The following PLPP4 variants were observed in gnomAD, a reference collection of about 807,000 sequenced individuals.
PLPP4 encodes diacylglycerol pyrophosphate like 2.
In PLPP4, 20 loss-of-function variants were observed where a neutral mutation model predicts 32.2. The ratio of observed to expected loss-of-function variants is 0.62; its 90% CI spans 0.44 to 0.90. PLPP4 has a LOEUF of 0.90. Among genes scored for constraint, PLPP4 ranks in the 40% least tolerant of loss-of-function variants. PLPP4 has a pLI of 0.00. For missense variants in PLPP4, 257 were observed against 353.1 expected (o/e 0.73, Z 2.18); for synonymous variants, 127 against 133.0 (o/e 0.95, Z 0.31).
At chr10:120,475,849 G>T (rs939587225) in intron 1 of PLPP4, among the ~76,000 whole-genome samples, 6 of 152,204 alleles carry the variant, frequency 3.9e-5, no homozygotes, top group African/African-American at 1.2e-4. Flanking sequence ...AATATCTGCA[G>T]ATGGTAACAC....
At position 120,589,683 on chromosome 10, in the gene PLPP4, T is replaced by C; in HGVS notation, c.*181T>C. On this transcript the variant is annotated 3_prime_UTR_variant, in exon 7 of 7. Coordinates refer to ENST00000398250, the MANE Select transcript of PLPP4 (RefSeq NM_001030059.3). The stretch of plus-strand genomic sequence containing the variant: ...CTTTAAATGTCTACTTCCAACATCC[T>C]TGAATTTGCAAGTGAAGGACAACAA... 1 of 587,162 alleles carries C rather than the reference T, an allele frequency of 1.7e-6. No individual in the cohort carries two copies. The highest frequency in any genetic ancestry group is 3.0e-6 in the Non-Finnish European group (1 of 337,816). 36.4% of individuals were successfully genotyped at this position (587,162 alleles called of 1,614,324 possible).
At chr10:120,465,781 T>A (rs1848279948) in intron 1 of PLPP4, among the ~76,000 whole-genome samples, 1 of 152,202 alleles carries the variant, frequency 6.6e-6, no homozygotes, top group Admixed American at 6.5e-5. Context: ...TCCACCACCC[T>A]GACTTCTAAC....
intron 1 of PLPP4, among the ~76,000 whole-genome samples, chr10:120,484,740 T>TC (rs965878024): frequency 6.6e-6 from 1 of 152,120 alleles, no homozygotes; most frequent in African/African-American, 2.4e-5. Context: ...AGAATAATGT[T>TC]CCCCCAGGGA....
chr10:120,584,331 A>G lies in PLPP4; in HGVS notation c.617-4972A>G, dbSNP rs539346477. Among the ~76,000 whole-genome samples, 4 of 152,288 alleles carry G rather than the reference A, an allele frequency of 2.6e-5. No individual in the cohort carries two copies. In the South Asian group the frequency reaches 8.3e-4, roughly 32 times the overall value. ...ACACGTTTCCTTCATGGTGCTTACCATAGCTGCAAATTGCTGATACGGCTG... is the reference window on the plus strand; with the variant it reads ...ACACGTTTCCTTCATGGTGCTTACCGTAGCTGCAAATTGCTGATACGGCTG... On this transcript the variant is annotated intron_variant, in intron 6 of 6. Transcript: ENST00000398250.
chr10:120,558,521 T>G (rs532301344), intron 5 of PLPP4, among the ~76,000 whole-genome samples: 171 of 151,832 alleles, frequency 1.1e-3, no homozygotes, highest in Non-Finnish European at 6.3e-4. Context: ...GTTCAAGCTA[T>G]TCTCCTGCCT....
At chr10:120,556,961 C>T (rs1048139291) in intron 5 of PLPP4, among the ~76,000 whole-genome samples, 9 of 152,084 alleles carry the variant, frequency 5.9e-5, no homozygotes, top group African/African-American at 2.2e-4. Context: ...AAGAGATCTC[C>T]AACTGATGAT....
intron 2 of PLPP4, among the ~76,000 whole-genome samples, chr10:120,505,138 T>G (rs1180385651): frequency 6.6e-6 from 1 of 152,214 alleles, no homozygotes; most frequent in Admixed American, 6.5e-5. Context: ...TGTCCACATT[T>G]CACAGATGCA....
intron 5 of PLPP4, among the ~76,000 whole-genome samples, chr10:120,543,761 T>C (rs1466517020): frequency 6.6e-6 from 1 of 152,204 alleles, no homozygotes; most frequent in Non-Finnish European, 1.5e-5. Flanking sequence ...CGTTAAACAC[T>C]GACTCCCCAT....
chr10:120,553,134 G>A (rs777868194), intron 5 of PLPP4, among the ~76,000 whole-genome samples: 12 of 152,108 alleles, frequency 7.9e-5, no homozygotes, highest in Non-Finnish European at 1.6e-4. Flanking sequence ...CACCTATTTC[G>A]GCCAAATCCT....
chr10:120,498,323 G>C (rs1845067623), intron 1 of PLPP4, among the ~76,000 whole-genome samples: 3 of 152,204 alleles, frequency 2.0e-5, no homozygotes, highest in African/African-American at 7.2e-5. Flanking sequence ...CCATGATTTT[G>C]AGGTGAGACT....
At chr10:120,560,056 C>T (rs1848348506) in intron 5 of PLPP4, among the ~76,000 whole-genome samples, 1 of 152,200 alleles carries the variant, frequency 6.6e-6, no homozygotes, top group Admixed American at 6.5e-5. Flanking sequence ...CAGTTCGTGT[C>T]TCCACGAAAT....
chr10:120,511,245 G>A (rs1845715081), intron 2 of PLPP4, among the ~76,000 whole-genome samples: 1 of 152,214 alleles, frequency 6.6e-6, no homozygotes, highest in South Asian at 2.1e-4. Context: ...CCATGAGCTT[G>A]GAGTCATTGG....
chr10:120,475,105 A>G (rs184789987), intron 1 of PLPP4, among the ~76,000 whole-genome samples: 49 of 152,304 alleles, frequency 3.2e-4, no homozygotes, highest in African/African-American at 1.1e-3. Context: ...AATCATGGAT[A>G]CAAAGGGGAT....
chr10:120,457,110 G>A (rs1243373464), upstream of PLPP4: 1 of 236,754 alleles, frequency 4.2e-6, no homozygotes, highest in South Asian at 1.6e-4. Flanking sequence ...GCTTCCCGGA[G>A]CCCCGGAGCC....
chr10:120,488,567 C>T (rs1844565861), intron 1 of PLPP4, among the ~76,000 whole-genome samples: 1 of 152,218 alleles, frequency 6.6e-6, no homozygotes, highest in Non-Finnish European at 1.5e-5. Context: ...AAGGAAGTAG[C>T]AACATTGAAG....
intron 1 of PLPP4, among the ~76,000 whole-genome samples, chr10:120,479,776 C>A (rs1844113089): frequency 6.6e-6 from 1 of 152,226 alleles, no homozygotes; most frequent in African/African-American, 2.4e-5. Context: ...TTTAATTTAA[C>A]CGATGGCTGG....
At chr10:120,576,648 T>C (rs536222781) in intron 6 of PLPP4, among the ~76,000 whole-genome samples, 2 of 152,246 alleles carry the variant, frequency 1.3e-5, no homozygotes, top group African/African-American at 2.4e-5. Flanking sequence ...GATGCTGACA[T>C]GGTTTGGACA....
At chr10:120,549,683 A>G (rs961572705) in intron 5 of PLPP4, among the ~76,000 whole-genome samples, 13 of 152,040 alleles carry the variant, frequency 8.6e-5, no homozygotes, top group African/African-American at 9.7e-5. Context: ...CCAGAAATGC[A>G]GTTGATTTAA....
intron 1 of PLPP4, among the ~76,000 whole-genome samples, chr10:120,475,024 A>T (rs1220727067): frequency 6.6e-6 from 1 of 152,104 alleles, no homozygotes; most frequent in Non-Finnish European, 1.5e-5. Flanking sequence ...CCAGATTTGG[A>T]TGGGGAGGGG....
Sources: allele counts gnomAD v4.1 joint callset (sites outside exome capture counted in the v4.1 genomes callset), GRCh38; gene constraint gnomAD v4.1.1; transcripts MANE v1.5; gene names NCBI Gene and HGNC (gene_info 2026-07-23, HGNC 2026-07-21).